MBNL1: variants seen among roughly 807,000 people sequenced by gnomAD.
MBNL1 encodes muscleblind like splicing regulator 1.
Under a neutral mutation model 42.2 loss-of-function variants are expected in MBNL1, and 8 were observed. That is an observed-to-expected ratio of 0.19 (90% CI 0.11 to 0.34). The LOEUF is 0.34. Among genes scored for constraint, MBNL1 ranks in the 10% least tolerant of loss-of-function variants. The pLI is 1.00. For missense variants in MBNL1, 309 were observed against 495.3 expected (o/e 0.62, Z 3.57); for synonymous variants, 169 against 173.9 (o/e 0.97, Z 0.22).
intron 2 of MBNL1, among the ~76,000 whole-genome samples, chr3:152,255,374 A>T (rs868825355): frequency 3.9e-5 from 6 of 152,294 alleles, no homozygotes; most frequent in Middle Eastern, 3.4e-3. Flanking sequence ...AACTTAAAAT[A>T]TTGAGCCTTT....
intron 4 of MBNL1, among the ~76,000 whole-genome samples, chr3:152,437,846 T>C (rs1420030913): frequency 6.6e-6 from 1 of 151,568 alleles, no homozygotes; most frequent in African/African-American, 2.4e-5. Context: ...CGATCTCAGC[T>C]CACTGCAACC....
At chr3:152,274,084 G>GAGAT (rs2043447462) in intron 1 of MBNL1, among the ~76,000 whole-genome samples, 1 of 152,132 alleles carries the variant, frequency 6.6e-6, no homozygotes, top group Non-Finnish European at 1.5e-5. Flanking sequence ...ACAAAATGAA[G>GAGAT]AGATGTCTTT....
At chr3:152,305,940 A>AT (rs1283823302) in intron 2 of MBNL1, among the ~76,000 whole-genome samples, 1 of 152,150 alleles carries the variant, frequency 6.6e-6, no homozygotes, top group Non-Finnish European at 1.5e-5. Flanking sequence ...ATAAAGTTTG[A>AT]TTTTTTTGCT....
intron 2 of MBNL1, among the ~76,000 whole-genome samples, chr3:152,251,519 CT>C: frequency 6.6e-6 from 1 of 152,092 alleles, no homozygotes; most frequent in East Asian, 1.9e-4. Context: ...CTTTAGTCTC[CT>C]TTTGTCTGGA....
intron 4 of MBNL1, among the ~76,000 whole-genome samples, chr3:152,438,658 G>A (rs1247112314): frequency 6.6e-6 from 1 of 152,034 alleles, no homozygotes. Context: ...TCTGCAGTGG[G>A]GTTTGATAAT....
intron 4 of MBNL1, among the ~76,000 whole-genome samples, chr3:152,439,807 C>T (rs536823370): frequency 1.6e-3 from 246 of 152,162 alleles, no homozygotes; most frequent in African/African-American, 5.7e-3. Context: ...GAGATTGCAC[C>T]ACTGCACTCC....
chr3:152,300,888 C>G (rs975415249), intron 2 of MBNL1: 1 of 965,986 alleles, frequency 1.0e-6, no homozygotes, highest in African/African-American at 1.8e-5. Flanking sequence ...CAGGCCAGAG[C>G]CACGCATTTT....
At chr3:152,275,144 C>T (rs901488909) in intron 1 of MBNL1, among the ~76,000 whole-genome samples, 14 of 152,138 alleles carry the variant, frequency 9.2e-5, no homozygotes, top group Admixed American at 5.9e-4. Context: ...TTTTAGCACT[C>T]TTTGTGGACG....
chr3:152,383,403 C>T (rs369581256), intron 2 of MBNL1, among the ~76,000 whole-genome samples: 14 of 152,028 alleles, frequency 9.2e-5, no homozygotes, highest in African/African-American at 3.1e-4. Context: ...TGTCATGCCT[C>T]ACCACAGTTT....
intron 2 of MBNL1, among the ~76,000 whole-genome samples, chr3:152,347,162 A>G (rs748231852): frequency 1.3e-5 from 2 of 152,146 alleles, no homozygotes; most frequent in Admixed American, 6.6e-5. Context: ...GAAAACTCAT[A>G]TAACAATAGA....
chr3:152,462,611 C>A lies in MBNL1; in HGVS notation c.*245C>A, dbSNP rs1747927515. 1 of 152,170 alleles carries A rather than the reference C, an allele frequency of 6.6e-6. No homozygotes were observed. The highest frequency in any genetic ancestry group is 2.4e-5 in the African/African-American group (1 of 41,450). The allele number at this position is 152,170 out of a possible 1,614,324, so 9.4% of individuals were successfully genotyped here. On this transcript the variant is annotated 3_prime_UTR_variant, in exon 10 of 10. Transcript: ENST00000324210. ...TGATATTTGTGCTGAGGTGATATTC[C>A]TGTCTAAAAGAACAACATTGTCTTT...
chr3:152,279,374 A>G (rs961743984), intron 1 of MBNL1, among the ~76,000 whole-genome samples: 1 of 152,010 alleles, frequency 6.6e-6, no homozygotes, highest in Non-Finnish European at 1.5e-5. Context: ...GCATTCCCCA[A>G]CCCCATCCCT....
chr3:152,442,941 T>G (rs531785430), intron 4 of MBNL1, among the ~76,000 whole-genome samples: 70 of 151,936 alleles, frequency 4.6e-4, no homozygotes, highest in African/African-American at 1.7e-3. Flanking sequence ...CTGTCCTATT[T>G]CTTAGGAGAA....
intron 2 of MBNL1, among the ~76,000 whole-genome samples, chr3:152,378,979 G>A (rs534197758): frequency 6.6e-6 from 1 of 151,950 alleles, no homozygotes; most frequent in East Asian, 1.9e-4. Context: ...ACCTCCCAAA[G>A]TGGTAAGATT....
At chr3:152,336,166 A>T (rs2089992380) in intron 2 of MBNL1, among the ~76,000 whole-genome samples, 1 of 152,226 alleles carries the variant, frequency 6.6e-6, no homozygotes. Flanking sequence ...CATAATTTTT[A>T]TTCAAAAATG....
intron 2 of MBNL1, among the ~76,000 whole-genome samples, chr3:152,309,857 G>A (rs1054094655): frequency 3.9e-5 from 6 of 152,130 alleles, no homozygotes; most frequent in African/African-American, 1.4e-4. Context: ...TGCCTTTTTG[G>A]GTGTTGATAG....
At chr3:152,430,892 T>TC (rs2098998104) in intron 3 of MBNL1, among the ~76,000 whole-genome samples, 1 of 152,356 alleles carries the variant, frequency 6.6e-6, no homozygotes, top group South Asian at 2.1e-4. Flanking sequence ...GCAAGAGCCA[T>TC]CGACCTGGCA....
chr3:152,258,843 GA>G (rs1376937700), intron 2 of MBNL1, among the ~76,000 whole-genome samples: 4 of 152,166 alleles, frequency 2.6e-5, no homozygotes, highest in African/African-American at 4.8e-5. Context: ...TGCCTTCTAT[GA>G]ATCTGATATT....
intron 2 of MBNL1, among the ~76,000 whole-genome samples, chr3:152,255,308 A>G (rs2035295028): frequency 6.6e-6 from 1 of 152,132 alleles, no homozygotes; most frequent in Non-Finnish European, 1.5e-5. Flanking sequence ...AGAGTCCAGA[A>G]AATTTTCAAA....
Sources: allele counts gnomAD v4.1 joint callset (sites outside exome capture counted in the v4.1 genomes callset), GRCh38; gene constraint gnomAD v4.1.1; transcripts MANE v1.5; gene names NCBI Gene and HGNC (gene_info 2026-07-23, HGNC 2026-07-21).